Variants in LILRA1 observed in about 807,000 individuals in gnomAD.
LILRA1 encodes the protein leukocyte immunoglobulin like receptor A1.
LILRA1 carries 51 observed loss-of-function variants against 51.6 expected under a neutral mutation model. That is an observed-to-expected ratio of 0.99 (90% CI 0.79 to 1.25). The LOEUF (loss-of-function observed/expected upper bound fraction) is 1.25. LILRA1 is among the 50% of genes most tolerant of loss of function. LILRA1 has a pLI of 0.00. For synonymous variants in LILRA1, 305 were observed against 248.4 expected (o/e 1.23, Z -2.14); for missense variants, 660 against 611.7 (o/e 1.08, Z -0.83).
In LILRA1 at chr19:54,596,236, G is replaced by A. The variant is rs754610322; in HGVS notation, c.1006G>A (p.Val336Met). ...CATCTCGGTGCATCCGGGCCCCACG[G>A]TGGCCTCAGGAGAGAACGTGACCCT... ...PFISVHPGPT[V>M]ASGENVTLLC... Residue 336 changes from valine (V) to methionine (M), a missense_variant, in exon 7 of 10, where the codon GTG becomes ATG. By Grantham distance (21) the Val-to-Met change is conservative. Transcript: ENST00000251372. 5.6e-6 allele frequency: 9 copies of A among 1,613,924 alleles called. No homozygotes were observed. In the East Asian group the frequency reaches 2.0e-4, roughly 36 times the overall value.
intron 1 of LILRA1, 41 bp from the exon 2 acceptor site, chr19:54,594,156 G>T (rs540041814): frequency 8.3e-7 from 1 of 1,208,700 alleles, no homozygotes; most frequent in East Asian, 2.3e-5. Context: ...GGGTGGGAAG[G>T]AGGGGAGGCT....
Position 54,602,336 on chromosome 19 carries a change from T to C in LILRA1, c.*1519T>C, listed in dbSNP as rs1448290057. 7.0e-6 allele frequency among the ~76,000 whole-genome samples: 1 copy of C among 142,128 alleles called. No homozygotes were observed. The highest frequency in any genetic ancestry group is 1.6e-5 in the Non-Finnish European group (1 of 61,368). The allele number at this position is 142,128 out of a possible 152,430, so 93.2% of individuals were successfully genotyped here. ...TACCCTCCAGAATAAAGAAATGTTA[T>C]CATTTGCCATCTACCCTCTAGAATA... On this transcript the variant is annotated 3_prime_UTR_variant, in exon 10 of 10. Transcript: ENST00000251372.
rs1356449573 is a variant in LILRA1 at position 54,596,789 on chromosome 19, C to T, written c.1261+298C>T. 3.3e-5 allele frequency among the ~76,000 whole-genome samples: 5 copies of T among 152,038 alleles called. No individual in the cohort carries two copies. In the East Asian group the frequency reaches 9.6e-4, roughly 29 times the overall value. ...GGCTGAGGCAGGAGAATGGCATGAA[C>T]CTGGGAGGCGGAGCTTGCCGTGAGC... On this transcript the variant is annotated intron_variant, in intron 7 of 9. Transcript: ENST00000251372.
chr19:54,601,024 C>G lies in LILRA1; in HGVS notation c.*207C>G, dbSNP rs4806787. The G allele has an allele frequency of 7.2e-4, 452 of 624,750 alleles. 3 individuals carry two copies. The African/African-American group carries it at 7.5e-3, about 10-fold the overall frequency. The allele number at this position is 624,750 out of a possible 1,614,324, so 38.7% of individuals were successfully genotyped here. On this transcript the variant is annotated 3_prime_UTR_variant, in exon 10 of 10. Coordinates refer to ENST00000251372, the MANE Select transcript of LILRA1 (RefSeq NM_006863.4). ...GAGTGATCCATGAAGGACCATTAAC[C>G]TGTGATACCTTTCCTCTCTATTAAT...
chr19:54,599,363 G>C (rs2063125699), intron 8 of LILRA1, 77 bp downstream of exon 8: 2 of 1,479,084 alleles, frequency 1.4e-6, no homozygotes, highest in East Asian at 3.1e-5. Context: ...GGGTGTCCTG[G>C]GTGGACATTT....
chr19:54,601,175 A>G lies in LILRA1; in HGVS notation c.*358A>G, dbSNP rs45567241. On this transcript the variant is annotated 3_prime_UTR_variant, in exon 10 of 10. Transcript: ENST00000251372. ...TGTGCTCTGGTCCATGGTGTGTAAC[A>G]CAGTCTTCTTTATTACTCATTGCCA... 0.013 allele frequency: 4,390 copies of G among 329,140 alleles called. 38 individuals are homozygous for G. Among genetic ancestry groups the G allele is most frequent in the Non-Finnish European group, 0.02 (3,526 of 175,664 alleles). 20.4% of individuals were successfully genotyped at this position (329,140 alleles called of 1,614,324 possible).
chr19:54,598,491 A>G (rs2063105180), intron 7 of LILRA1, among the ~76,000 whole-genome samples: 1 of 152,154 alleles, frequency 6.6e-6, no homozygotes, highest in African/African-American at 2.4e-5. Flanking sequence ...GGTCAGCGGG[A>G]GCTACAGTGC....
At position 54,595,100 on chromosome 19, in the gene LILRA1, G is replaced by C. The variant is rs2063004696; in HGVS notation, c.359G>C (p.Gly120Ala). 6.2e-7 allele frequency: 1 copy of C among 1,612,620 alleles called. No homozygotes were observed. Among genetic ancestry groups the C allele is most frequent in the Admixed American group, 1.7e-5 (1 of 59,916 alleles). ...PSDPLELVVTGAYIKPTLSAL... is the reference protein window; with the variant it reads ...PSDPLELVVTAAYIKPTLSAL... ...AACATGGTGCCTCCTTCTCTCCTAG[G>C]AGCCTACATCAAACCCACCCTCTCA... Residue 120 changes from glycine (G) to alanine (A), a missense_variant and splice_region_variant, in exon 5 of 10, where the codon GGA becomes GCA. Physicochemically the swap from Gly to Ala is moderately conservative, Grantham distance 60 (BLOSUM62 0). Coordinates refer to ENST00000251372, the MANE Select transcript of LILRA1 (RefSeq NM_006863.4).
At position 54,600,888 on chromosome 19, in the gene LILRA1, C is replaced by G. The variant is rs2063151824; in HGVS notation, c.*71C>G. On this transcript the variant is annotated 3_prime_UTR_variant, in exon 10 of 10. Transcript: ENST00000251372. ...GAGTGGTGGAGCCTTGGGAACAGAT[C>G]TGATGATGCCAGGAGGTTCCGGGAG... The G allele has an allele frequency of 1.3e-6, 2 of 1,555,588 alleles. No individual in the cohort carries two copies. The highest frequency in any genetic ancestry group is 1.8e-6 in the Non-Finnish European group (2 of 1,126,616).
chr19:54,594,541 C>T (rs1031999998), intron 3 of LILRA1, 65 bp downstream of exon 3: 1 of 1,613,650 alleles, frequency 6.2e-7, no homozygotes, highest in African/African-American at 1.3e-5. Context: ...CACCCCCGTG[C>T]AGCTGGGGAT....
chr19:54,596,152 G>C, intron 6 of LILRA1, 37 bp from the exon 7 acceptor site: 1 of 1,600,922 alleles, frequency 6.2e-7, no homozygotes, highest in Non-Finnish European at 8.5e-7. Flanking sequence ...CTCAGAACAA[G>C]GTGGGGCAGC....
In LILRA1 at chr19:54,593,792, C is replaced by A; in HGVS notation, c.-49+11C>A. ...GGGACGACTGCCATGGTAAGGACCCCACAACGCTGAGCTGATGGATGGCTG... is the reference window on the plus strand; with the variant it reads ...GGGACGACTGCCATGGTAAGGACCCAACAACGCTGAGCTGATGGATGGCTG... On this transcript the variant is annotated intron_variant, in intron 1 of 9. Transcript: ENST00000251372. 1 of 1,186,888 alleles carries A rather than the reference C, an allele frequency of 8.4e-7. No individual in the cohort carries two copies. Among genetic ancestry groups the A allele is most frequent in the Non-Finnish European group, 1.1e-6 (1 of 873,530 alleles). 73.5% of individuals were successfully genotyped at this position (1,186,888 alleles called of 1,614,324 possible). A position where few individuals can be genotyped will look rare whatever the true frequency, so the allele number is the denominator to read the frequency against.
Position 54,595,631 on chromosome 19 carries a change from T to C in LILRA1, c.662-8T>C, listed in dbSNP as rs1438629716. 5.6e-6 allele frequency: 9 copies of C among 1,601,830 alleles called. No individual in the cohort carries two copies. The South Asian group carries it at 8.9e-5, about 16-fold the overall frequency. On this transcript the variant is annotated splice_polypyrimidine_tract_variant and splice_region_variant and intron_variant, in intron 5 of 9. Coordinates refer to ENST00000251372, the MANE Select transcript of LILRA1 (RefSeq NM_006863.4). ...CGGCTCCTGGAAACCATGAGCACCT[T>C]TTCCCAGGTGTTTCTAAGAAGCCAT...
rs2063148370 is a variant in LILRA1 at position 54,600,713 on chromosome 19, G to A, written c.1366G>A (p.Asp456Asn). The change falls in exon 10 of 10, where the codon GAT becomes AAT. Residue 456 changes from aspartate (D) to asparagine (N), a missense_variant. Transcript: ENST00000251372. ...ACCATCCCCAGCCTCACACCCCCAG[G>A]ATTACACAGTGGAGAATCTCATCCG... ...SQNKTASHPQ[D>N]YTVENLIRMG... The A allele has an allele frequency of 6.2e-7, 1 of 1,614,006 alleles. No individual in the cohort carries two copies. The highest frequency in any genetic ancestry group is 8.5e-7 in the Non-Finnish European group (1 of 1,179,996).
At chr19:54,598,307 A>C (rs1158756991) in intron 7 of LILRA1, among the ~76,000 whole-genome samples, 1 of 152,168 alleles carries the variant, frequency 6.6e-6, no homozygotes, top group Non-Finnish European at 1.5e-5. Context: ...GGCTTGATTT[A>C]ATTTATATAT....
chr19:54,599,049 C>A (rs1437785311), intron 7 of LILRA1, among the ~76,000 whole-genome samples, 187 bp from the exon 8 acceptor site: 3 of 152,166 alleles, frequency 2.0e-5, no homozygotes, highest in African/African-American at 7.2e-5. Flanking sequence ...CCACGTCAGC[C>A]TCCCAAAATG....
intron 6 of LILRA1, 71 bp from the exon 7 acceptor site, chr19:54,596,118 G>C: frequency 6.4e-7 from 1 of 1,562,720 alleles, no homozygotes; most frequent in Non-Finnish European, 8.7e-7. Flanking sequence ...GAGGGTCCCA[G>C]ATAGAAGCCT....
At chr19:54,595,988 C>G (rs535330642) in intron 6 of LILRA1, 53 bp downstream of exon 6, 1 of 783,530 alleles carries the variant, frequency 1.3e-6, no homozygotes, top group African/African-American at 2.3e-5. Flanking sequence ...CAGGCCCTGC[C>G]AGGGGAGCCC....
chr19:54,595,900 C>A lies in LILRA1; in HGVS notation c.923C>A (p.Ser308Ter). 1.2e-6 allele frequency: 2 copies of A among 1,613,336 alleles called. No homozygotes were observed. The highest frequency in any genetic ancestry group is 8.5e-7 in the Non-Finnish European group (1 of 1,179,940). The change falls in exon 6 of 10, where the codon TCG becomes TAG. Residue 308 changes from serine to a stop codon, truncating the protein, a stop_gained. Transcript: ENST00000251372. LOFTEE classifies it high-confidence loss of function. ...SGAYNLSSEW[S>*]APSDPLDILI... ...GCATACAACCTCTCCTCCGAGTGGT[C>A]GGCCCCCAGCGACCCCCTGGACATC...
Sources: allele counts gnomAD v4.1 joint callset (sites outside exome capture counted in the v4.1 genomes callset), GRCh38; gene constraint gnomAD v4.1.1; transcripts MANE v1.5; gene names NCBI Gene and HGNC (gene_info 2026-07-23, HGNC 2026-07-21).